Variants in TPD52L2 observed in about 807,000 individuals in gnomAD.
TPD52L2 encodes tumor protein D54.
A neutral mutation model predicts 24.7 loss-of-function variants in TPD52L2; 19 were observed. The observed-to-expected ratio is 0.77, with a 90% confidence interval of 0.54 to 1.13. The LOEUF (loss-of-function observed/expected upper bound fraction) is 1.13, where lower values mean the gene tolerates loss of function less well. Ranked by LOEUF, TPD52L2 falls within the 50% of genes most tolerant of loss-of-function variation. The probability of loss-of-function intolerance (pLI) is 0.00; values close to 1 mark genes in which losing one functional copy is unlikely to be tolerated. For missense variants in TPD52L2, 236 were observed against 250.4 expected (o/e 0.94, Z 0.39); for synonymous variants, 104 against 100.2 (o/e 1.04, Z -0.23).
In TPD52L2 at chr20:63,883,476, A is replaced by G. The variant is rs545750830; in HGVS notation, c.476+656A>G. 3.9e-5 allele frequency among the ~76,000 whole-genome samples: 6 copies of G among 152,128 alleles called. No individual in the cohort carries two copies. The East Asian group carries it at 9.7e-4, about 25-fold the overall frequency. On this transcript the variant is annotated intron_variant, in intron 5 of 6. Coordinates refer to ENST00000346249, the MANE Select transcript of TPD52L2 (RefSeq NM_003288.4). ...CCTGGGTATGATGCTTGGCTGGGCT[A>G]CCTCCTGGCTGGGCACCCCAGCTGG... is the stretch of plus-strand genomic sequence containing the variant.
intron 3 of TPD52L2, 115 bp downstream of exon 3, chr20:63,873,931 A>G (rs2052563382): frequency 8.1e-7 from 1 of 1,241,552 alleles, no homozygotes; most frequent in Non-Finnish European, 1.1e-6. Context: ...CGTGGAGTTG[A>G]GTGGCCTGTT....
At chr20:63,889,468 C>T (rs573615874) in intron 6 of TPD52L2, among the ~76,000 whole-genome samples, 40 of 152,078 alleles carry the variant, frequency 2.6e-4, no homozygotes, top group African/African-American at 9.4e-4. Flanking sequence ...CAGAACGCCT[C>T]CACACTGCCC....
chr20:63,870,223 C>T (rs2052406204), intron 2 of TPD52L2, among the ~76,000 whole-genome samples: 1 of 152,202 alleles, frequency 6.6e-6, no homozygotes, highest in Non-Finnish European at 1.5e-5. Context: ...GAACAAAAGC[C>T]TCCAACCATA....
rs1335513169 is a variant in TPD52L2, at chr20:63,889,171, CT to C, written c.477-17del. 6.2e-7 allele frequency: 1 copy of C among 1,612,412 alleles called. No homozygotes were observed. The stretch of plus-strand genomic sequence containing the variant: ...ACCCTCTCCTCTTGACACCGACACT[CT>C]TCCCTCTCTCTTTAAAGGAACTCTG... On this transcript the variant is annotated intron_variant, in intron 5 of 6. Transcript: ENST00000346249.
chr20:63,865,589 G>A (rs2052185074), intron 1 of TPD52L2, among the ~76,000 whole-genome samples: 1 of 152,170 alleles, frequency 6.6e-6, no homozygotes, highest in Non-Finnish European at 1.5e-5. Context: ...CCGCTTCCTG[G>A]GCTCTCTCCA....
intron 5 of TPD52L2, chr20:63,885,889 C>A: frequency 1.1e-6 from 1 of 943,890 alleles, no homozygotes; most frequent in Non-Finnish European, 1.7e-6. Flanking sequence ...GAGGGTCTTC[C>A]CCTGCTGGGC....
chr20:63,878,993 C>T (rs534066080), intron 4 of TPD52L2, among the ~76,000 whole-genome samples: 23 of 152,310 alleles, frequency 1.5e-4, no homozygotes, highest in Non-Finnish European at 2.8e-4. Flanking sequence ...GTGTTTGACG[C>T]TCTCAGAACA....
intron 3 of TPD52L2, 51 bp downstream of exon 3, chr20:63,873,867 A>G (rs1450764259): frequency 3.5e-6 from 5 of 1,422,412 alleles, no homozygotes; most frequent in Non-Finnish European, 3.7e-6. Flanking sequence ...AACGGGCACC[A>G]CACGTGCCCC....
chr20:63,874,487 A>G (rs936463302), intron 3 of TPD52L2, among the ~76,000 whole-genome samples: 2 of 148,854 alleles, frequency 1.3e-5, no homozygotes, highest in African/African-American at 5.0e-5. Flanking sequence ...AATCCTCCCA[A>G]CTCAACCCCC....
At chr20:63,886,488 A>C (rs1181369872) in intron 5 of TPD52L2, among the ~76,000 whole-genome samples, 1 of 151,126 alleles carries the variant, frequency 6.6e-6, no homozygotes, top group African/African-American at 2.4e-5. Context: ...AGCCTCTCCG[A>C]GTAGCTGGGA....
In TPD52L2 at chr20:63,889,903, G is replaced by A. The variant is rs143876889; in HGVS notation, c.579G>A (p.Ala193=). Residue 193 remains alanine, a synonymous_variant, in exon 7 of 7, where the codon GCG becomes GCA. Coordinates refer to ENST00000346249, the MANE Select transcript of TPD52L2 (RefSeq NM_003288.4). ...ENGSDNLPSS[A]GSGDKPLSDP... ...GCAGTGACAACCTCCCTTCCTCAGC[G>A]GGGAGTGGTGACAAGCCCCTGTCGG... 4.4e-5 allele frequency: 71 copies of A among 1,614,046 alleles called. No individual in the cohort carries two copies. Among genetic ancestry groups the A allele is most frequent in the Non-Finnish European group, 5.9e-5 (70 of 1,180,044 alleles).
chr20:63,876,313 C>G (rs971513695), intron 4 of TPD52L2, among the ~76,000 whole-genome samples: 1 of 152,162 alleles, frequency 6.6e-6, no homozygotes, highest in African/African-American at 2.4e-5. Flanking sequence ...TTCCTTTCCT[C>G]CTTTAGGGGT....
intron 4 of TPD52L2, among the ~76,000 whole-genome samples, chr20:63,880,987 T>C (rs942521590): frequency 6.6e-6 from 1 of 151,694 alleles, no homozygotes; most frequent in Admixed American, 6.6e-5. Flanking sequence ...AAGAAAAAAT[T>C]TAAAAACAGC....
intron 4 of TPD52L2, among the ~76,000 whole-genome samples, chr20:63,880,886 G>T (rs1176635933): frequency 7.0e-6 from 1 of 142,310 alleles, no homozygotes; most frequent in East Asian, 2.1e-4. Flanking sequence ...GCAAGACTCT[G>T]TCTCAAAAAA....
rs971470731 is a variant in TPD52L2, at chr20:63,877,826, G to A, written c.374+1951G>A. On this transcript the variant is annotated intron_variant, in intron 4 of 6. Transcript: ENST00000346249. The surrounding 1 kb of genome is among the most constrained non-coding windows in gnomAD (Gnocchi z 4.1). ...AGTTCTGTGGCGAGAGCTGTCAACT[G>A]ACGGTTCCAGAGTGGAAGCGTTTCT... 1.1e-4 allele frequency among the ~76,000 whole-genome samples: 17 copies of A among 152,404 alleles called. No homozygotes were observed. The highest frequency in any genetic ancestry group is 3.3e-4 in the Admixed American group (5 of 15,310).
intron 4 of TPD52L2, among the ~76,000 whole-genome samples, chr20:63,880,551 G>A (rs2052853981): frequency 6.6e-6 from 1 of 152,242 alleles, no homozygotes; most frequent in African/African-American, 2.4e-5. Context: ...ATGGTTTTAT[G>A]CATTTGTTAT....
rs1014924360 is a variant in TPD52L2, at chr20:63,887,674, C to G, written c.477-1516C>G. 15 of 1,479,772 alleles carry G rather than the reference C, an allele frequency of 1.0e-5. No homozygotes were observed. In the African/African-American group the frequency reaches 1.8e-4, roughly 18 times the overall value. 91.7% of individuals were successfully genotyped at this position (1,479,772 alleles called of 1,614,324 possible). The stretch of plus-strand genomic sequence containing the variant: ...TGGTGGGGGTTGGGGCAGCTCCCGC[C>G]GGTTACACCTTGCCCTTCCCATATT... On this transcript the variant is annotated intron_variant, in intron 5 of 6. Coordinates refer to ENST00000346249, the MANE Select transcript of TPD52L2 (RefSeq NM_003288.4).
intron 1 of TPD52L2, 67 bp downstream of exon 1, chr20:63,865,451 G>T: frequency 6.7e-7 from 1 of 1,488,818 alleles, no homozygotes; most frequent in Non-Finnish European, 8.9e-7. Flanking sequence ...CCGTCTCCCG[G>T]GGTCGCGTCT....
At chr20:63,881,379 A>T (rs1347943545) in intron 4 of TPD52L2, among the ~76,000 whole-genome samples, 1 of 146,318 alleles carries the variant, frequency 6.8e-6, no homozygotes, top group Non-Finnish European at 1.5e-5. Flanking sequence ...AAAAAGAAAG[A>T]AAGTGCATCC....
Sources: allele counts gnomAD v4.1 joint callset (sites outside exome capture counted in the v4.1 genomes callset), GRCh38; gene constraint gnomAD v4.1.1; non-coding constraint Gnocchi (gnomAD v3.1); transcripts MANE v1.5; gene names NCBI Gene and HGNC (gene_info 2026-07-23, HGNC 2026-07-21).